Variants in COMMD1 observed in about 807,000 individuals in gnomAD.
COMMD1 encodes COMM domain-containing protein 1.
Under a neutral mutation model 17.2 loss-of-function variants are expected in COMMD1, and 10 were observed. The observed-to-expected ratio is 0.58, with a 90% CI of 0.36 to 0.99. COMMD1 has a LOEUF of 0.99. COMMD1 is among the 50% of genes least tolerant of loss of function. The pLI, the probability that COMMD1 is intolerant of heterozygous loss-of-function variation, is 0.01. For synonymous variants in COMMD1, 97 were observed against 91.6 expected (o/e 1.06, Z -0.34); for missense variants, 270 against 231.8 (o/e 1.17, Z -1.07).
intron 2 of COMMD1, among the ~76,000 whole-genome samples, chr2:62,101,684 A>G (rs1445711054): frequency 3.3e-5 from 5 of 152,028 alleles, no homozygotes; most frequent in African/African-American, 9.7e-5. Context: ...GGGTAGTCTC[A>G]TGATCCCTAC....
At chr2:61,972,632 G>C (rs540125401) in intron 1 of COMMD1, among the ~76,000 whole-genome samples, 5 of 152,234 alleles carry the variant, frequency 3.3e-5, no homozygotes, top group African/African-American at 1.2e-4. Flanking sequence ...TTATCTCTGC[G>C]TTCTTTCTCC....
chr2:62,107,554 T>C (rs1420538527), intron 2 of COMMD1, among the ~76,000 whole-genome samples: 1 of 152,222 alleles, frequency 6.6e-6, no homozygotes, highest in Non-Finnish European at 1.5e-5. Context: ...GAGCTCTGCC[T>C]GATGATGAAC....
intron 2 of COMMD1, among the ~76,000 whole-genome samples, chr2:62,056,237 G>A (rs1670697176): frequency 2.6e-5 from 4 of 152,172 alleles, no homozygotes; most frequent in Admixed American, 2.0e-4. Context: ...TGCAGGATGT[G>A]ATTAAAATTA....
chr2:61,947,643 A>G (rs10179659), intron 1 of COMMD1, among the ~76,000 whole-genome samples: 16,739 of 151,982 alleles, frequency 0.11, 2,157 homozygotes, highest in African/African-American at 0.31. Flanking sequence ...AGATCGCGCC[A>G]CTGCACTCCA....
intron 1 of COMMD1, among the ~76,000 whole-genome samples, chr2:61,957,254 C>T (rs1671223705): frequency 6.6e-6 from 1 of 152,024 alleles, no homozygotes; most frequent in South Asian, 2.1e-4. Flanking sequence ...TTATAACCTG[C>T]TTCATAGGAG....
intron 1 of COMMD1, among the ~76,000 whole-genome samples, chr2:61,895,735 C>T (rs1189635438): frequency 6.6e-6 from 1 of 152,156 alleles, no homozygotes; most frequent in Non-Finnish European, 1.5e-5. Flanking sequence ...ACCGTTAGGG[C>T]CAGTACTGCC....
At chr2:61,953,696 G>C (rs1671118632) in intron 1 of COMMD1, among the ~76,000 whole-genome samples, 1 of 152,062 alleles carries the variant, frequency 6.6e-6, no homozygotes, top group African/African-American at 2.4e-5. Flanking sequence ...GAGCTATTTA[G>C]AATAGAGCTC....
chr2:62,025,711 C>CA (rs2103864639), intron 2 of COMMD1, among the ~76,000 whole-genome samples: 1 of 152,148 alleles, frequency 6.6e-6, no homozygotes, highest in Admixed American at 6.5e-5. Flanking sequence ...TTTTTGGAGT[C>CA]AGAGTGTCGC....
chr2:62,078,448 G>GGATTAC (rs1164726200), intron 2 of COMMD1, among the ~76,000 whole-genome samples: 8 of 142,902 alleles, frequency 5.6e-5, no homozygotes, highest in African/African-American at 2.1e-4. Context: ...AGCCACTCGG[G>GGATTAC]AGGCTGAGGC....
chr2:62,069,760 G>C (rs1671150703), intron 2 of COMMD1: 1 of 152,132 alleles, frequency 6.6e-6, no homozygotes, highest in Non-Finnish European at 1.5e-5. Flanking sequence ...TGTCTTCTCA[G>C]TGTAACATTT....
chr2:61,942,109 T>C (rs568001095), intron 1 of COMMD1, among the ~76,000 whole-genome samples: 44 of 152,312 alleles, frequency 2.9e-4, no homozygotes, highest in Admixed American at 9.2e-4. Flanking sequence ...TCCTCGTGTT[T>C]GTTTATTTAT....
At chr2:61,946,055 T>C (rs1352506119) in intron 1 of COMMD1, among the ~76,000 whole-genome samples, 1 of 152,214 alleles carries the variant, frequency 6.6e-6, no homozygotes, top group African/African-American at 2.4e-5. Context: ...AATTTTAGAA[T>C]GCCCTGGCCA....
chr2:62,045,807 G>A (rs965659153), intron 2 of COMMD1, among the ~76,000 whole-genome samples: 23 of 140,226 alleles, frequency 1.6e-4, no homozygotes, highest in African/African-American at 2.7e-4. Context: ...GCGCCATCTC[G>A]GCCCACTGCA....
chr2:62,064,821 C>A (rs1670982482), intron 2 of COMMD1, among the ~76,000 whole-genome samples: 1 of 152,022 alleles, frequency 6.6e-6, no homozygotes, highest in Non-Finnish European at 1.5e-5. Flanking sequence ...TATTTGTGTA[C>A]CATGTTCTTA....
At chr2:62,119,064 C>G (rs537851510) in intron 2 of COMMD1, 1 of 152,042 alleles carries the variant, frequency 6.6e-6, no homozygotes, top group Admixed American at 6.6e-5. Flanking sequence ...CATAAAGAGG[C>G]AGTTAAGTTA....
chr2:61,920,240 C>CT (rs1443405969), intron 1 of COMMD1, among the ~76,000 whole-genome samples: 1 of 152,054 alleles, frequency 6.6e-6, no homozygotes, highest in African/African-American at 2.4e-5. Flanking sequence ...GAGATGACCT[C>CT]TAAGCAATTC....
intron 2 of COMMD1, among the ~76,000 whole-genome samples, chr2:62,035,728 A>G (rs1406484639): frequency 7.6e-6 from 1 of 131,266 alleles, no homozygotes; most frequent in Admixed American, 8.3e-5. Context: ...CAACAGAGTG[A>G]GACTCTGTCT....
chr2:61,920,193 C>T lies in COMMD1; in HGVS notation c.180+14335C>T, dbSNP rs148399737. Among the ~76,000 whole-genome samples, 371 of 152,122 alleles carry T rather than the reference C, an allele frequency of 2.4e-3. 3 individuals are homozygous for T. Among genetic ancestry groups the T allele is most frequent in the East Asian group, 8.3e-3 (43 of 5,186 alleles). On this transcript the variant is annotated intron_variant, in intron 1 of 2. Coordinates refer to ENST00000311832, the MANE Select transcript of COMMD1 (RefSeq NM_152516.4). ...CTCAGGAATATTCTCCTGTTTAGACCTATGAATTTCAGCTGGTAGTAGGGC... is the reference window on the plus strand; with the variant it reads ...CTCAGGAATATTCTCCTGTTTAGACTTATGAATTTCAGCTGGTAGTAGGGC...
upstream of COMMD1, chr2:61,888,633 C>A: frequency 1.1e-5 from 13 of 1,169,694 alleles, no homozygotes; most frequent in Non-Finnish European, 1.4e-5. Flanking sequence ...GCGCCGGCGT[C>A]GGGAGGAGGC....
Sources: allele counts gnomAD v4.1 joint callset (sites outside exome capture counted in the v4.1 genomes callset), GRCh38; gene constraint gnomAD v4.1.1; transcripts MANE v1.5; gene names NCBI Gene and HGNC (gene_info 2026-07-23, HGNC 2026-07-21).